The following SPOCK1 variants were observed in gnomAD, a reference collection of about 807,000 sequenced individuals.
SPOCK1 encodes the protein testican-1.
A neutral mutation model predicts 55.3 loss-of-function variants in SPOCK1; 23 were observed. The ratio of observed to expected loss-of-function variants is 0.42; its 90% CI spans 0.30 to 0.59. SPOCK1 has a LOEUF of 0.59. Ranked by LOEUF, SPOCK1 falls within the 20% of genes least tolerant of loss-of-function variation. SPOCK1 has a pLI of 0.22. For synonymous variants in SPOCK1, 226 were observed against 221.0 expected (o/e 1.02, Z -0.20); for missense variants, 499 against 552.5 (o/e 0.90, Z 0.97).
chr5:137,284,761 C>T (rs895300670), intron 2 of SPOCK1, among the ~76,000 whole-genome samples: 1 of 152,154 alleles, frequency 6.6e-6, no homozygotes, highest in African/African-American at 2.4e-5. Flanking sequence ...CGCACTAACA[C>T]CTGTGTGCAA....
chr5:137,359,682 C>A (rs1251719422), intron 2 of SPOCK1, among the ~76,000 whole-genome samples: 1 of 152,218 alleles, frequency 6.6e-6, no homozygotes, highest in Non-Finnish European at 1.5e-5. Flanking sequence ...TAAAGCACTG[C>A]AGTCCATACT....
chr5:137,286,521 A>G (rs1208345139), intron 2 of SPOCK1, among the ~76,000 whole-genome samples: 2 of 152,160 alleles, frequency 1.3e-5, no homozygotes, highest in Admixed American at 6.5e-5. Context: ...ACTCACCCAG[A>G]AGGGCCCCTC....
chr5:137,152,320 C>T (rs2127044941), intron 3 of SPOCK1, among the ~76,000 whole-genome samples: 1 of 152,346 alleles, frequency 6.6e-6, no homozygotes. Context: ...CTCTTTCCCA[C>T]CTATCTCTCC....
chr5:137,006,705 A>T (rs1751256439), intron 6 of SPOCK1, among the ~76,000 whole-genome samples: 1 of 152,110 alleles, frequency 6.6e-6, no homozygotes, highest in Non-Finnish European at 1.5e-5. Context: ...CTCTTGCCTA[A>T]TTGCCCTGGC....
At chr5:137,197,711 C>T (rs2127074066) in intron 3 of SPOCK1, among the ~76,000 whole-genome samples, 1 of 152,230 alleles carries the variant, frequency 6.6e-6, no homozygotes, top group South Asian at 2.1e-4. Flanking sequence ...GATAAGAAGC[C>T]ATTAAATGGG....
chr5:137,243,673 T>C (rs1252561405), intron 3 of SPOCK1, among the ~76,000 whole-genome samples: 1 of 152,212 alleles, frequency 6.6e-6, no homozygotes, highest in Non-Finnish European at 1.5e-5. Flanking sequence ...AATGCCATAA[T>C]TTAAGACACT....
chr5:137,428,245 T>C (rs570003339), intron 2 of SPOCK1, among the ~76,000 whole-genome samples: 1 of 152,230 alleles, frequency 6.6e-6, no homozygotes, highest in South Asian at 2.1e-4. Context: ...ACTGAGAGGG[T>C]AGACTGTATC....
chr5:137,197,042 T>C (rs1488800200), intron 3 of SPOCK1, among the ~76,000 whole-genome samples: 2 of 152,204 alleles, frequency 1.3e-5, no homozygotes, highest in African/African-American at 2.4e-5. Flanking sequence ...TGTGCCAGGA[T>C]ACCCACCTGA....
chr5:137,438,379 G>A (rs1270713045), intron 2 of SPOCK1, among the ~76,000 whole-genome samples: 1 of 152,156 alleles, frequency 6.6e-6, no homozygotes, highest in African/African-American at 2.4e-5. Context: ...GAATGCCCAA[G>A]GGTGACACCT....
At chr5:137,330,835 C>T (rs1241692038) in intron 2 of SPOCK1, among the ~76,000 whole-genome samples, 1 of 152,182 alleles carries the variant, frequency 6.6e-6, no homozygotes, top group Non-Finnish European at 1.5e-5. Flanking sequence ...CACTATTCAG[C>T]CATAGGTATT....
chr5:137,326,770 T>C (rs1293425286), intron 2 of SPOCK1, among the ~76,000 whole-genome samples: 1 of 152,190 alleles, frequency 6.6e-6, no homozygotes, highest in African/African-American at 2.4e-5. Flanking sequence ...GATTCAACCT[T>C]TCACAGAAAA....
chr5:137,136,011 T>C (rs917474888), intron 4 of SPOCK1, among the ~76,000 whole-genome samples: 2 of 152,256 alleles, frequency 1.3e-5, no homozygotes, highest in Non-Finnish European at 2.9e-5. Context: ...AAATCTTTTG[T>C]TGTACATGTT....
chr5:137,332,000 C>G (rs1218467398), intron 2 of SPOCK1, among the ~76,000 whole-genome samples: 3 of 152,140 alleles, frequency 2.0e-5, no homozygotes, highest in Non-Finnish European at 4.4e-5. Flanking sequence ...TCACATCGCT[C>G]CCCCACATTC....
intron 3 of SPOCK1, among the ~76,000 whole-genome samples, chr5:137,205,532 G>A (rs1387353156): frequency 3.9e-5 from 6 of 152,324 alleles, no homozygotes; most frequent in East Asian, 1.9e-4. Context: ...TGTCTGAGTC[G>A]GGTGGCAGGA....
chr5:137,048,777 A>G (rs1259225486), intron 6 of SPOCK1, among the ~76,000 whole-genome samples: 15 of 116,994 alleles, frequency 1.3e-4, no homozygotes, highest in Non-Finnish European at 2.4e-4. Flanking sequence ...AGCGGCTGGT[A>G]TCGGTTGTTC....
rs571656051 is a variant in SPOCK1, at chr5:137,412,981, G to GA, written c.186+85391dup. Among the ~76,000 whole-genome samples, 437 of 142,516 alleles carry GA rather than the reference G, an allele frequency of 3.1e-3. 1 individual carries two copies. Among genetic ancestry groups the GA allele is most frequent in the African/African-American group, 7.7e-3 (305 of 39,420 alleles). 93.5% of individuals were successfully genotyped at this position (142,516 alleles called of 152,430 possible). A position where few individuals can be genotyped will look rare whatever the true frequency, so the allele number is the denominator to read the frequency against. On this transcript the variant is annotated intron_variant, in intron 2 of 10. Transcript: ENST00000394945. ...GCTGTCCCAAATCTAGTGTTAAGTG[G>GA]AAAAAAAAAAAGGTACCTTTAAAAA...
intron 3 of SPOCK1, among the ~76,000 whole-genome samples, chr5:137,251,520 G>C (rs1756528508): frequency 6.6e-6 from 1 of 152,192 alleles, no homozygotes; most frequent in South Asian, 2.1e-4. Flanking sequence ...TTATTTCCAA[G>C]AGCTTCCTTA....
chr5:137,153,004 A>G (rs1754347124), intron 3 of SPOCK1, among the ~76,000 whole-genome samples: 1 of 152,250 alleles, frequency 6.6e-6, no homozygotes, highest in South Asian at 2.1e-4. Flanking sequence ...TTGAAGCTCC[A>G]AGAGACTAAA....
At chr5:137,345,198 T>C (rs1750529713) in intron 2 of SPOCK1, among the ~76,000 whole-genome samples, 1 of 152,244 alleles carries the variant, frequency 6.6e-6, no homozygotes, top group African/African-American at 2.4e-5. Flanking sequence ...ATTTCAGAGC[T>C]GGAAGGACTA....
Sources: allele counts gnomAD v4.1 joint callset (sites outside exome capture counted in the v4.1 genomes callset), GRCh38; gene constraint gnomAD v4.1.1; transcripts MANE v1.5; gene names NCBI Gene and HGNC (gene_info 2026-07-23, HGNC 2026-07-21).